The following DAB1 variants were observed in gnomAD, a reference collection of about 807,000 sequenced individuals.
DAB1 encodes disabled homolog 1.
A neutral mutation model predicts 64.6 loss-of-function variants in DAB1; 15 were observed. The observed-to-expected ratio is 0.23, with a 90% CI of 0.16 to 0.36. The LOEUF (loss-of-function observed/expected upper bound fraction) is 0.36, where lower values mean the gene tolerates loss of function less well. Ranked by LOEUF, DAB1 falls within the 10% of genes least tolerant of loss-of-function variation. The pLI is 1.00. For synonymous variants in DAB1, 235 were observed against 251.9 expected (o/e 0.93, Z 0.64); for missense variants, 596 against 706.7 (o/e 0.84, Z 1.78).
intron 3 of DAB1, among the ~76,000 whole-genome samples, chr1:58,411,934 A>T (rs1352580914): frequency 6.6e-6 from 1 of 152,110 alleles, no homozygotes; most frequent in Non-Finnish European, 1.5e-5. Context: ...CCATTTTTGG[A>T]GGTAGCAGAA....
chr1:58,300,147 T>C (rs1197138536), intron 4 of DAB1, among the ~76,000 whole-genome samples: 1 of 152,182 alleles, frequency 6.6e-6, no homozygotes, highest in Non-Finnish European at 1.5e-5. Context: ...TGGTGGGCTC[T>C]GCTTAGAAGA....
At chr1:57,290,025 C>G (rs964017489) in intron 2 of DAB1, among the ~76,000 whole-genome samples, 1 of 152,184 alleles carries the variant, frequency 6.6e-6, no homozygotes, top group Non-Finnish European at 1.5e-5. Flanking sequence ...ATCTCTGGCT[C>G]CTCTCTGCCA....
At chr1:57,051,421 A>G (rs1649172746) in intron 9 of DAB1, among the ~76,000 whole-genome samples, 1 of 152,324 alleles carries the variant, frequency 6.6e-6, no homozygotes, top group Admixed American at 6.5e-5. Context: ...GTGAATGAAA[A>G]TTTATTTGCC....
chr1:57,499,433 A>T (rs1644265247), intron 7 of DAB1, among the ~76,000 whole-genome samples: 1 of 152,300 alleles, frequency 6.6e-6, no homozygotes, highest in East Asian at 1.9e-4. Context: ...AAAATTAGAT[A>T]TATTTATCGC....
At chr1:56,999,181 C>T (rs536473084) in intron 14 of DAB1, among the ~76,000 whole-genome samples, 1 of 152,330 alleles carries the variant, frequency 6.6e-6, no homozygotes, top group South Asian at 2.1e-4. Context: ...TACCATGTGT[C>T]TGGCACCATG....
At chr1:57,194,106 C>G (rs1664411846) in intron 2 of DAB1, among the ~76,000 whole-genome samples, 4 of 152,210 alleles carry the variant, frequency 2.6e-5, no homozygotes. Context: ...TACTTTGGAG[C>G]AGTGGTTCTC....
At chr1:57,778,308 G>A (rs1649910047) in intron 6 of DAB1, among the ~76,000 whole-genome samples, 1 of 151,710 alleles carries the variant, frequency 6.6e-6, no homozygotes, top group Admixed American at 6.6e-5. Context: ...GCTACTTCTA[G>A]ATGCCTCAGT....
intron 5 of DAB1, among the ~76,000 whole-genome samples, chr1:58,118,563 T>C (rs1308697814): frequency 1.1e-4 from 8 of 75,948 alleles, no homozygotes; most frequent in East Asian, 1.5e-3. Context: ...ATATATAAAA[T>C]ACATATATAT....
At chr1:58,220,295 T>A (rs901589826) in intron 4 of DAB1, among the ~76,000 whole-genome samples, 1 of 152,206 alleles carries the variant, frequency 6.6e-6, no homozygotes, top group African/African-American at 2.4e-5. Context: ...AATAACTAAC[T>A]GATGGCCCAA....
chr1:58,032,270 C>T (rs958014522), intron 5 of DAB1, among the ~76,000 whole-genome samples: 1 of 152,104 alleles, frequency 6.6e-6, no homozygotes, highest in Non-Finnish European at 1.5e-5. Context: ...TCTTAAGGGC[C>T]AGGACCATGT....
intron 2 of DAB1, among the ~76,000 whole-genome samples, chr1:57,181,391 C>A (rs1293895522): frequency 2.6e-5 from 4 of 152,152 alleles, no homozygotes; most frequent in Non-Finnish European, 5.9e-5. Flanking sequence ...TTTACACAGA[C>A]CTGATAATCA....
At chr1:57,387,747 A>G (rs1263363733) in intron 1 of DAB1, among the ~76,000 whole-genome samples, 1 of 147,218 alleles carries the variant, frequency 6.8e-6, no homozygotes, top group Non-Finnish European at 1.5e-5. Flanking sequence ...GCTTGAACCC[A>G]GGAGGTGGAG....
At position 57,496,318 on chromosome 1, in the gene DAB1, A is replaced by G. The variant is rs2691469; in HGVS notation, n.625+153274T>C. Reference sequence around the variant, plus strand: ...GCCAACAGGATCTGGATGCAAAACTAACTCTGTCATTTGACTACAGGAGAG... The same window carrying G: ...GCCAACAGGATCTGGATGCAAAACTGACTCTGTCATTTGACTACAGGAGAG... On this transcript the variant is annotated intron_variant and non_coding_transcript_variant, in intron 7 of 20. Coordinates refer to the DAB1 transcript ENST00000485760. Among the ~76,000 whole-genome samples, 1,209 of 152,218 alleles carry G rather than the reference A, an allele frequency of 7.9e-3. 20 individuals are homozygous for G. Among genetic ancestry groups the G allele is most frequent in the African/African-American group, 0.024 (1,006 of 41,522 alleles).
chr1:57,790,237 G>C (rs1389699667), intron 6 of DAB1, among the ~76,000 whole-genome samples: 1 of 152,166 alleles, frequency 6.6e-6, no homozygotes, highest in Non-Finnish European at 1.5e-5. Flanking sequence ...TGAATCATGG[G>C]AGAAGTTACC....
At chr1:57,569,687 G>T (rs1345255899) in intron 7 of DAB1, among the ~76,000 whole-genome samples, 1 of 151,966 alleles carries the variant, frequency 6.6e-6, no homozygotes, top group Non-Finnish European at 1.5e-5. Flanking sequence ...CATGGCACAT[G>T]TATACATATG....
chr1:57,773,364 C>A (rs2101833053), intron 6 of DAB1, among the ~76,000 whole-genome samples: 1 of 151,946 alleles, frequency 6.6e-6, no homozygotes, highest in South Asian at 2.1e-4. Flanking sequence ...CACACACACA[C>A]ACACACACAC....
intron 3 of DAB1, among the ~76,000 whole-genome samples, chr1:58,427,149 CA>C (rs796537378): frequency 7.3e-5 from 11 of 151,590 alleles, no homozygotes; most frequent in African/African-American, 2.7e-4. Context: ...TGGAGGCAGG[CA>C]GGGGTGTGGT....
chr1:57,302,470 C>G (rs947293596), intron 1 of DAB1, among the ~76,000 whole-genome samples: 3 of 152,196 alleles, frequency 2.0e-5, no homozygotes, highest in Admixed American at 2.0e-4. Flanking sequence ...CACACCACAC[C>G]TCTACTTACA....
At chr1:57,983,661 A>G (rs1646122503) in intron 5 of DAB1, among the ~76,000 whole-genome samples, 1 of 152,222 alleles carries the variant, frequency 6.6e-6, no homozygotes, top group African/African-American at 2.4e-5. Context: ...TTCCTGCAGC[A>G]GGATCTGCCA....
Sources: allele counts gnomAD v4.1 joint callset (sites outside exome capture counted in the v4.1 genomes callset), GRCh38; gene constraint gnomAD v4.1.1; transcripts MANE v1.5; gene names NCBI Gene and HGNC (gene_info 2026-07-23, HGNC 2026-07-21).